The following SOX6 variants were observed in gnomAD, a reference collection of about 807,000 sequenced individuals.
SOX6 encodes SRY-box transcription factor 6.
Under a neutral mutation model 97.8 loss-of-function variants are expected in SOX6, and 11 were observed. The ratio of observed to expected loss-of-function variants is 0.11; its 90% CI spans 0.07 to 0.19. The LOEUF is 0.19. Ranked by LOEUF, SOX6 falls within the 10% of genes least tolerant of loss-of-function variation. The pLI is 1.00. For synonymous variants in SOX6, 360 were observed against 371.4 expected, an observed-to-expected ratio of 0.97 and a Z score of 0.35; for missense variants, 810 against 1,039.5, an observed-to-expected ratio of 0.78 and a Z score of 3.04.
intron 12 of SOX6, among the ~76,000 whole-genome samples, chr11:16,029,772 T>C (rs899476760): frequency 7.9e-5 from 12 of 152,232 alleles, no homozygotes; most frequent in African/African-American, 2.9e-4. Context: ...CGTTTTTAAA[T>C]CTCTGTAAAA....
chr11:16,037,832 T>C (rs1280235492), intron 12 of SOX6, among the ~76,000 whole-genome samples: 1 of 152,132 alleles, frequency 6.6e-6, no homozygotes, highest in Non-Finnish European at 1.5e-5. Flanking sequence ...CACAAACACC[T>C]ACAATGGCTG....
Position 16,721,058 on chromosome 11 carries a change from A to C in SOX6, n.354-6153T>G, listed in dbSNP as rs138811673. On this transcript the variant is annotated intron_variant and non_coding_transcript_variant, in intron 2 of 5. Coordinates refer to the SOX6 transcript ENST00000524520. The stretch of plus-strand genomic sequence containing the variant: ...GTAAGTAGTGGGGTACATTTTACCC[A>C]GGTGAAGGACGCGAATGGGCCTGAG... 2.4e-4 allele frequency among the ~76,000 whole-genome samples: 37 copies of C among 152,308 alleles called. 1 individual carries two copies. Among genetic ancestry groups the C allele is most frequent in the African/African-American group, 8.9e-4 (37 of 41,566 alleles).
rs554455421 is a variant in SOX6 at position 16,671,674 on chromosome 11, T to C, written n.429+43156A>G. On this transcript the variant is annotated intron_variant and non_coding_transcript_variant, in intron 3 of 5. Coordinates refer to the SOX6 transcript ENST00000524520. ...GTAAAGAGGCCAAATCTACTAATCG[T>C]TGGCATCCCTGAAAGGGAGGAGGAG... is the stretch of plus-strand genomic sequence containing the variant. 3.9e-5 allele frequency among the ~76,000 whole-genome samples: 6 copies of C among 152,196 alleles called. No homozygotes were observed. In the East Asian group the frequency reaches 5.8e-4, roughly 15 times the overall value.
intron 1 of SOX6, among the ~76,000 whole-genome samples, chr11:16,444,757 G>C (rs1362920537): frequency 4.0e-5 from 6 of 150,490 alleles, no homozygotes; most frequent in African/African-American, 1.5e-4. Context: ...TTTAATAAGA[G>C]GTTAAAGAGA....
At chr11:16,603,780 G>A (rs974586890) in intron 4 of SOX6, among the ~76,000 whole-genome samples, 4 of 152,116 alleles carry the variant, frequency 2.6e-5, no homozygotes, top group African/African-American at 7.2e-5. Flanking sequence ...TAGTTGAACA[G>A]CCGAAAAATA....
At chr11:16,702,865 G>C (rs948365167) in intron 3 of SOX6, among the ~76,000 whole-genome samples, 9 of 150,140 alleles carry the variant, frequency 6.0e-5, no homozygotes, top group African/African-American at 1.7e-4. Context: ...CAATTGAAAT[G>C]GTCTATGTCA....
intron 6 of SOX6, among the ~76,000 whole-genome samples, chr11:16,131,895 G>A (rs1399092777): frequency 6.6e-6 from 1 of 151,986 alleles, no homozygotes; most frequent in Non-Finnish European, 1.5e-5. Flanking sequence ...TCAATGAATA[G>A]GCCCAGGGTT....
intron 6 of SOX6, among the ~76,000 whole-genome samples, chr11:16,139,284 A>G (rs1001977711): frequency 1.3e-5 from 2 of 152,134 alleles, no homozygotes; most frequent in African/African-American, 4.8e-5. Context: ...GCTCTCACCC[A>G]ATAGTTTTAG....
intron 9 of SOX6, among the ~76,000 whole-genome samples, chr11:16,062,808 T>A (rs1847990466): frequency 1.3e-5 from 2 of 151,748 alleles, no homozygotes; most frequent in Admixed American, 6.6e-5. Context: ...ATAAAGTAGC[T>A]AGCATTAAAA....
At chr11:16,628,974 T>G (rs1389229371) in intron 3 of SOX6, among the ~76,000 whole-genome samples, 1 of 152,216 alleles carries the variant, frequency 6.6e-6, no homozygotes, top group Non-Finnish European at 1.5e-5. Flanking sequence ...CTGAAGTTGT[T>G]TATCAGTTCC....
chr11:16,705,181 C>A (rs1057427694), intron 3 of SOX6, among the ~76,000 whole-genome samples: 16 of 152,038 alleles, frequency 1.1e-4, no homozygotes, highest in Non-Finnish European at 4.4e-5. Context: ...TCGCTTGAAC[C>A]CAGGAGGTGG....
At chr11:16,360,676 T>C (rs1468244136), upstream of SOX6, among the ~76,000 whole-genome samples, 1 of 152,080 alleles carries the variant, frequency 6.6e-6, no homozygotes, top group East Asian at 1.9e-4. Context: ...GCTTAATAAA[T>C]AATGCGTTGA....
At chr11:16,114,745 T>C (rs936292385) in intron 6 of SOX6, among the ~76,000 whole-genome samples, 2 of 152,198 alleles carry the variant, frequency 1.3e-5, no homozygotes, top group Admixed American at 6.5e-5. Flanking sequence ...TGGGAATACA[T>C]GCTCATTTGA....
At chr11:16,287,622 C>A (rs988550636) in intron 3 of SOX6, among the ~76,000 whole-genome samples, 1 of 152,112 alleles carries the variant, frequency 6.6e-6, no homozygotes, top group South Asian at 2.1e-4. Context: ...TTAATTTCCT[C>A]ATTTCTAGAA....
chr11:15,989,272 T>C, intron 13 of SOX6, 42 bp from the exon 14 acceptor site: 1 of 1,518,732 alleles, frequency 6.6e-7, no homozygotes, highest in South Asian at 1.3e-5. Context: ...GTGGAAAGCG[T>C]TATTTTGTGG....
At chr11:16,414,566 A>G (rs1210846316) in intron 1 of SOX6, among the ~76,000 whole-genome samples, 2 of 151,482 alleles carry the variant, frequency 1.3e-5, no homozygotes, top group Non-Finnish European at 2.9e-5. Context: ...CTGCAAGTTT[A>G]AAAAAAAACA....
intron 13 of SOX6, among the ~76,000 whole-genome samples, chr11:16,000,747 T>C (rs1443261384): frequency 6.6e-6 from 1 of 152,182 alleles, no homozygotes; most frequent in African/African-American, 2.4e-5. Context: ...TGCGCGTGTG[T>C]GTGTGTGAGA....
intron 3 of SOX6, among the ~76,000 whole-genome samples, chr11:16,622,219 A>G (rs1476608515): frequency 1.3e-5 from 2 of 152,128 alleles, no homozygotes; most frequent in Non-Finnish European, 2.9e-5. Context: ...TTAGCTCCAC[A>G]TTTCTAATAA....
rs1853253329 is a variant in SOX6 at position 15,969,911 on chromosome 11, A to T, written c.*2898T>A. 1 of 152,242 alleles carries T rather than the reference A, an allele frequency of 6.6e-6. No homozygotes were observed. The highest frequency in any genetic ancestry group is 2.1e-4 in the South Asian group (1 of 4,834). The allele number at this position is 152,242 out of a possible 1,614,324, so 9.4% of individuals were successfully genotyped here. ...ATTACTGTTTGATCCAATGAAAAAG[A>T]CGTTTACAATCAGATCATTCCTGAA... is the stretch of plus-strand genomic sequence containing the variant. On this transcript the variant is annotated 3_prime_UTR_variant, in exon 16 of 16. Transcript: ENST00000683767.
Sources: allele counts gnomAD v4.1 joint callset (sites outside exome capture counted in the v4.1 genomes callset), GRCh38; gene constraint gnomAD v4.1.1; transcripts MANE v1.5; gene names NCBI Gene and HGNC (gene_info 2026-07-23, HGNC 2026-07-21).